The following CDH13 variants were observed in gnomAD, a reference collection of about 807,000 sequenced individuals.
CDH13 encodes the protein cadherin-13.
In CDH13, 24 loss-of-function variants were observed where a neutral mutation model predicts 63.8. The ratio of observed to expected loss-of-function variants is 0.38; its 90% CI spans 0.27 to 0.53. The LOEUF is 0.53. Ranked by LOEUF, CDH13 falls within the 20% of genes least tolerant of loss-of-function variation. The probability of loss-of-function intolerance (pLI) is 0.85; values close to 1 mark genes in which losing one functional copy is unlikely to be tolerated. For synonymous variants in CDH13, 503 were observed against 355.3 expected, an observed-to-expected ratio of 1.42 and a Z score of -4.67; for missense variants, 1,049 against 903.1, an observed-to-expected ratio of 1.16 and a Z score of -2.07.
At chr16:83,700,337 C>A (rs1223264580) in intron 10 of CDH13, among the ~76,000 whole-genome samples, 1 of 152,196 alleles carries the variant, frequency 6.6e-6, no homozygotes, top group East Asian at 1.9e-4. Flanking sequence ...TTCAGATTCC[C>A]TTTTAACAGA....
intron 2 of CDH13, among the ~76,000 whole-genome samples, chr16:82,989,468 C>G (rs1263496230): frequency 6.6e-6 from 1 of 152,156 alleles, no homozygotes. Context: ...ATCCTATAAA[C>G]TTATTCTGGG....
chr16:83,233,885 C>G (rs1409170081), intron 5 of CDH13, among the ~76,000 whole-genome samples: 1 of 152,198 alleles, frequency 6.6e-6, no homozygotes, highest in Non-Finnish European at 1.5e-5. Flanking sequence ...CTACCTACCA[C>G]CACACTCCTT....
chr16:82,868,742 A>C (rs551339981), intron 2 of CDH13, among the ~76,000 whole-genome samples: 21 of 152,326 alleles, frequency 1.4e-4, no homozygotes, highest in Middle Eastern at 6.8e-3. Flanking sequence ...TGAGAATTTG[A>C]GGTGTTTGAT....
chr16:83,603,122 T>A (rs1908005981), intron 8 of CDH13, among the ~76,000 whole-genome samples: 3 of 152,210 alleles, frequency 2.0e-5, no homozygotes, highest in Admixed American at 2.0e-4. Flanking sequence ...ATGGTTGTTG[T>A]TTCCCATTTA....
intron 8 of CDH13, among the ~76,000 whole-genome samples, chr16:83,636,567 A>G (rs1287937692): frequency 6.6e-6 from 1 of 152,180 alleles, no homozygotes; most frequent in Non-Finnish European, 1.5e-5. Flanking sequence ...CATTAAGACA[A>G]AAGCCTCCAG....
At chr16:83,169,817 G>A (rs376039361) in intron 4 of CDH13, among the ~76,000 whole-genome samples, 108 of 151,860 alleles carry the variant, frequency 7.1e-4, no homozygotes, top group African/African-American at 2.4e-3. Flanking sequence ...TTCCTTATGC[G>A]TATTCTCTTG....
Position 83,163,660 on chromosome 16 carries a change from T to G in CDH13, c.483+38159T>G, listed in dbSNP as rs532695980. Among the ~76,000 whole-genome samples the G allele has an allele frequency of 5.3e-5, 8 of 152,202 alleles. No homozygotes were observed. The South Asian group carries it at 1.7e-3, about 32-fold the overall frequency. On this transcript the variant is annotated intron_variant, in intron 4 of 13. Transcript: ENST00000567109. ...GTGTGTCATCTCCACTCTCTTTCTT[T>G]CCTTGGTACCATGGATGTGTTTGAT...
chr16:83,386,335 G>C (rs543262021), intron 6 of CDH13, among the ~76,000 whole-genome samples: 1 of 152,304 alleles, frequency 6.6e-6, no homozygotes, highest in African/African-American at 2.4e-5. Context: ...AGGCGTCCCA[G>C]GATGCTGGAA....
intron 4 of CDH13, among the ~76,000 whole-genome samples, chr16:83,164,318 C>T (rs1206244219): frequency 6.6e-6 from 1 of 151,886 alleles, no homozygotes; most frequent in Admixed American, 6.6e-5. Context: ...CACTACATAC[C>T]ACACATCACA....
intron 1 of CDH13, among the ~76,000 whole-genome samples, chr16:82,654,465 C>A (rs535598678): frequency 1.3e-5 from 2 of 152,220 alleles, no homozygotes; most frequent in African/African-American, 2.4e-5. Flanking sequence ...CTGAAGGCTG[C>A]CAATTAAATG....
intron 2 of CDH13, among the ~76,000 whole-genome samples, chr16:82,862,346 C>A (rs868344786): frequency 1.3e-5 from 2 of 152,194 alleles, no homozygotes; most frequent in African/African-American, 2.4e-5. Context: ...TCTGACTATC[C>A]TATGTTCTGC....
chr16:82,840,492 G>C (rs1281009457), intron 1 of CDH13, among the ~76,000 whole-genome samples: 3 of 151,762 alleles, frequency 2.0e-5, no homozygotes, highest in African/African-American at 7.3e-5. Flanking sequence ...AGACCAGCCT[G>C]ACCAACATGG....
intron 4 of CDH13, among the ~76,000 whole-genome samples, chr16:83,184,403 C>T (rs1224214822): frequency 6.6e-6 from 1 of 152,112 alleles, no homozygotes; most frequent in Non-Finnish European, 1.5e-5. Context: ...GAGAGGGAAG[C>T]AGAACCTCAG....
intron 5 of CDH13, among the ~76,000 whole-genome samples, chr16:83,331,133 A>G (rs944773346): frequency 3.9e-5 from 6 of 152,152 alleles, no homozygotes; most frequent in African/African-American, 1.4e-4. Flanking sequence ...TAAGGGACGG[A>G]CTTGGGCCTT....
intron 3 of CDH13, among the ~76,000 whole-genome samples, chr16:83,048,181 A>G (rs1415874136): frequency 6.6e-6 from 1 of 152,352 alleles, no homozygotes; most frequent in Admixed American, 6.5e-5. Context: ...GGAGACCAAG[A>G]TATGAACACA....
chr16:83,148,122 G>A (rs1208318636), intron 4 of CDH13, among the ~76,000 whole-genome samples: 1 of 152,126 alleles, frequency 6.6e-6, no homozygotes, highest in Non-Finnish European at 1.5e-5. Context: ...ATTTTTAGTA[G>A]GCACGGGGTT....
At chr16:83,075,277 C>G (rs1209256323) in intron 3 of CDH13, among the ~76,000 whole-genome samples, 1 of 152,192 alleles carries the variant, frequency 6.6e-6, no homozygotes, top group South Asian at 2.1e-4. Flanking sequence ...CACCCCAGTT[C>G]TTGTCTCAGG....
chr16:82,937,406 C>T (rs1034511229), intron 2 of CDH13, among the ~76,000 whole-genome samples: 3 of 151,930 alleles, frequency 2.0e-5, no homozygotes, highest in Non-Finnish European at 2.9e-5. Flanking sequence ...CTGTGTCTCA[C>T]ACACATACAC....
chr16:83,719,718 C>T (rs925179382), intron 10 of CDH13, among the ~76,000 whole-genome samples: 1 of 152,200 alleles, frequency 6.6e-6, no homozygotes, highest in African/African-American at 2.4e-5. Context: ...ATACCATGTT[C>T]TGTGCCATGT....
Sources: allele counts gnomAD v4.1 joint callset (sites outside exome capture counted in the v4.1 genomes callset), GRCh38; gene constraint gnomAD v4.1.1; transcripts MANE v1.5; gene names NCBI Gene and HGNC (gene_info 2026-07-23, HGNC 2026-07-21).